ALK: variants seen among roughly 807,000 people sequenced by gnomAD.
ALK encodes the protein ALK tyrosine kinase receptor.
Under a neutral mutation model 163.1 loss-of-function variants are expected in ALK, and 74 were observed. That is an observed-to-expected ratio of 0.45 (90% CI 0.38 to 0.55). ALK has a LOEUF of 0.55. Ranked by LOEUF, ALK falls within the 20% of genes least tolerant of loss-of-function variation. The pLI, the probability that ALK is intolerant of heterozygous loss-of-function variation, is 0.00. For missense variants in ALK, 2,063 were observed against 2,105.3 expected (o/e 0.98, Z 0.39); for synonymous variants, 960 against 843.2 (o/e 1.14, Z -2.40).
Position 29,891,807 on chromosome 2 carries a change from G to A in ALK, c.667+28186C>T, listed in dbSNP as rs189747402. 5.3e-5 allele frequency among the ~76,000 whole-genome samples: 8 copies of A among 152,266 alleles called. No individual in the cohort carries two copies. The South Asian group carries it at 1.2e-3, about 24-fold the overall frequency. ...GGAAGGTCAGTGCCATGTCACAGGT[G>A]GAAGCTTAGATGCAGCAGGACTGCA... is the stretch of plus-strand genomic sequence containing the variant. On this transcript the variant is annotated intron_variant, in intron 1 of 28. Transcript: ENST00000389048.
intron 4 of ALK, among the ~76,000 whole-genome samples, chr2:29,459,581 GT>G (rs1671037760): frequency 6.6e-6 from 1 of 151,238 alleles, no homozygotes. Flanking sequence ...TTTTTTAAGT[GT>G]GCTGAGGGAG....
chr2:29,564,517 A>G (rs1315978646), intron 3 of ALK, among the ~76,000 whole-genome samples: 1 of 151,838 alleles, frequency 6.6e-6, no homozygotes, highest in African/African-American at 2.4e-5. Context: ...GCCATCTCCT[A>G]GAAGATTTCC....
intron 4 of ALK, among the ~76,000 whole-genome samples, chr2:29,497,023 C>G (rs1294326586): frequency 2.6e-5 from 4 of 152,230 alleles, no homozygotes; most frequent in Non-Finnish European, 4.4e-5. Context: ...GTAATCCCAG[C>G]ACTTTGGGTG....
At chr2:29,318,471 T>G in intron 7 of ALK, 67 bp from the exon 8 acceptor site, 12 of 1,102,272 alleles carry the variant, frequency 1.1e-5, no homozygotes, top group Non-Finnish European at 1.7e-5. Flanking sequence ...GGTGCAGGGT[T>G]AATGGACTGT....
In ALK at chr2:29,906,929, C is replaced by A. The variant is rs112310410; in HGVS notation, c.667+13064G>T. Among the ~76,000 whole-genome samples, 14 of 135,670 alleles carry A rather than the reference C, an allele frequency of 1.0e-4. 1 individual carries two copies. Among genetic ancestry groups the A allele is most frequent in the African/African-American group, 3.0e-4 (11 of 36,824 alleles). The allele number at this position is 135,670 out of a possible 152,430, so 89.0% of individuals were successfully genotyped here. A position where few individuals can be genotyped will look rare whatever the true frequency, so the allele number is the denominator to read the frequency against. On this transcript the variant is annotated intron_variant, in intron 1 of 28. Coordinates refer to ENST00000389048, the MANE Select transcript of ALK (RefSeq NM_004304.5). ...CCACATCCCCAGAAATATACATATACATTTAAGGTTTTTTTTTTTTTTTTT... is the reference window on the plus strand; with the variant it reads ...CCACATCCCCAGAAATATACATATAAATTTAAGGTTTTTTTTTTTTTTTTT...
At chr2:29,291,732 AT>A (rs565634976) in intron 9 of ALK, among the ~76,000 whole-genome samples, 68 of 152,314 alleles carry the variant, frequency 4.5e-4, no homozygotes, top group African/African-American at 1.5e-3. Context: ...ATTAAGCAGA[AT>A]TTTTTTAGGG....
At chr2:29,889,922 G>C (rs1451427692) in intron 1 of ALK, among the ~76,000 whole-genome samples, 1 of 152,100 alleles carries the variant, frequency 6.6e-6, no homozygotes, top group Admixed American at 6.6e-5. Context: ...TCTTGTGAAA[G>C]CAAGCTGAAA....
intron 4 of ALK, among the ~76,000 whole-genome samples, chr2:29,462,004 T>A (rs931063718): frequency 6.6e-6 from 1 of 152,070 alleles, no homozygotes; most frequent in South Asian, 2.1e-4. Flanking sequence ...ACGGATGACT[T>A]TGAGGGGTTT....
chr2:29,298,270 C>G, intron 8 of ALK, among the ~76,000 whole-genome samples: 1 of 152,188 alleles, frequency 6.6e-6, no homozygotes, highest in Non-Finnish European at 1.5e-5. Context: ...TCTCCATATC[C>G]TGGGTAGCAA....
chr2:29,700,675 C>A (rs1573566654), intron 2 of ALK, among the ~76,000 whole-genome samples: 1 of 152,180 alleles, frequency 6.6e-6, no homozygotes, highest in East Asian at 1.9e-4. Context: ...TACTCACTTC[C>A]TGAAATCTCC....
chr2:29,683,563 G>A (rs912524334), intron 3 of ALK, among the ~76,000 whole-genome samples: 2 of 152,094 alleles, frequency 1.3e-5, no homozygotes, highest in African/African-American at 2.4e-5. Flanking sequence ...AGAAAGAGCT[G>A]GACAGTGAGA....
chr2:29,543,845 C>T (rs1410979322), intron 3 of ALK, among the ~76,000 whole-genome samples: 2 of 152,166 alleles, frequency 1.3e-5, no homozygotes, highest in Non-Finnish European at 2.9e-5. Flanking sequence ...GAATTTGTTC[C>T]TCCGTTGATA....
At chr2:29,324,675 C>A (rs1667195784) in intron 6 of ALK, among the ~76,000 whole-genome samples, 1 of 152,156 alleles carries the variant, frequency 6.6e-6, no homozygotes, top group Non-Finnish European at 1.5e-5. Flanking sequence ...AACATCTGGC[C>A]CCTTTCTAGG....
intron 2 of ALK, among the ~76,000 whole-genome samples, chr2:29,708,626 A>C (rs77234270): frequency 6.6e-6 from 1 of 152,154 alleles, no homozygotes; most frequent in Admixed American, 6.5e-5. Context: ...GAGTTGTGTA[A>C]AGCAACAGAT....
intron 18 of ALK, 114 bp from the exon 19 acceptor site, chr2:29,225,679 C>T (rs1046048587): frequency 8.3e-6 from 7 of 840,660 alleles, no homozygotes; most frequent in East Asian, 5.3e-5. Flanking sequence ...TCCTTCCCAT[C>T]GCTGGAGACC....
At chr2:29,818,580 A>C (rs1206025070) in intron 1 of ALK, among the ~76,000 whole-genome samples, 1 of 152,256 alleles carries the variant, frequency 6.6e-6, no homozygotes, top group Non-Finnish European at 1.5e-5. Context: ...CCCCCAAAGC[A>C]AGGCAGCCTG....
At chr2:29,696,640 C>T (rs1038615641) in intron 2 of ALK, among the ~76,000 whole-genome samples, 1 of 151,854 alleles carries the variant, frequency 6.6e-6, no homozygotes, top group Non-Finnish European at 1.5e-5. Flanking sequence ...AACCAGTGGC[C>T]CCTGTCACCT....
intron 3 of ALK, among the ~76,000 whole-genome samples, chr2:29,649,333 C>T (rs114939476): frequency 0.014 from 2,144 of 152,046 alleles, 49 homozygotes; most frequent in African/African-American, 0.048. Flanking sequence ...CACCCCACCT[C>T]ACCACCGACC....
In ALK at chr2:29,227,116, C is replaced by T. The variant is rs1664026144; in HGVS notation, c.2915-42G>A. ...AGGGTCAGTCTTGGGCCGAGCCTGC[C>T]TCCCCACTCCCAGCCTCAGTACTAT... is the stretch of plus-strand genomic sequence containing the variant. On this transcript the variant is annotated intron_variant, in intron 17 of 28. Coordinates refer to ENST00000389048, the MANE Select transcript of ALK (RefSeq NM_004304.5). The surrounding 1 kb of genome is among the most constrained non-coding windows in gnomAD (Gnocchi z 4.4). 6.2e-7 allele frequency: 1 copy of T among 1,613,636 alleles called. No individual in the cohort carries two copies. Among genetic ancestry groups the T allele is most frequent in the African/African-American group, 1.3e-5 (1 of 74,916 alleles).
Sources: allele counts gnomAD v4.1 joint callset (sites outside exome capture counted in the v4.1 genomes callset), GRCh38; gene constraint gnomAD v4.1.1; non-coding constraint Gnocchi (gnomAD v3.1); transcripts MANE v1.5; gene names NCBI Gene and HGNC (gene_info 2026-07-23, HGNC 2026-07-21).